LRRC66: variants seen among roughly 807,000 people sequenced by gnomAD.
The protein encoded by LRRC66 is leucine rich repeat containing 66.
A neutral mutation model predicts 24.6 loss-of-function variants in LRRC66; 29 were observed. The observed-to-expected ratio is 1.18, with a 90% CI of 0.88 to 1.61. The LOEUF (loss-of-function observed/expected upper bound fraction) is 1.61, where lower values mean the gene tolerates loss of function less well. Among genes scored for constraint, LRRC66 ranks in the 40% most tolerant of loss-of-function variants. LRRC66 has a pLI of 0.00. For missense variants in LRRC66, 1,124 were observed against 1,058.0 expected (o/e 1.06, Z -0.87); for synonymous variants, 411 against 397.6 (o/e 1.03, Z -0.40).
intron 2 of LRRC66, among the ~76,000 whole-genome samples, chr4:52,016,737 A>T (rs1438346358): frequency 1.3e-5 from 2 of 152,206 alleles, no homozygotes; most frequent in Admixed American, 1.3e-4. Context: ...ATATGGCAAC[A>T]TTTAATTTGA....
chr4:52,017,031 G>T, intron 2 of LRRC66, 87 bp downstream of exon 2: 1 of 1,412,438 alleles, frequency 7.1e-7, no homozygotes. Context: ...GCTGTCCCTT[G>T]AACCTGAAAA....
Position 51,993,674 on chromosome 4 carries a change from T to C in LRRC66, c.*705A>G, listed in dbSNP as rs755187898. The C allele has an allele frequency of 1.3e-5, 2 of 152,214 alleles. No homozygotes were observed. The highest frequency in any genetic ancestry group is 2.9e-5 in the Non-Finnish European group (2 of 68,028). 9.4% of individuals were successfully genotyped at this position (152,214 alleles called of 1,614,324 possible). On this transcript the variant is annotated 3_prime_UTR_variant, in exon 5 of 5. Coordinates refer to ENST00000682860, the MANE Select transcript of LRRC66 (RefSeq NM_001024611.3). ...AAATTGATTTTTAATTTACACTTTA[T>C]TCTAAAAAGTGGCCCCTCTTCTCTT...
intron 1 of LRRC66, chr4:52,018,337 G>A: frequency 1.0e-6 from 1 of 984,718 alleles, no homozygotes; most frequent in Non-Finnish European, 1.2e-6. Context: ...AAAAAGAAGT[G>A]TGTACAAATT....
intron 1 of LRRC66, chr4:52,018,092 T>A: frequency 4.1e-6 from 4 of 985,450 alleles, no homozygotes; most frequent in Non-Finnish European, 3.6e-6. Flanking sequence ...CATAACTCTA[T>A]GAGTAAAAAG....
At chr4:51,997,291 T>A (rs1736342229) in intron 4 of LRRC66, among the ~76,000 whole-genome samples, 1 of 152,170 alleles carries the variant, frequency 6.6e-6, no homozygotes, top group Non-Finnish European at 1.5e-5. Flanking sequence ...ACTTTTAGAG[T>A]GTTAGCAAAC....
rs535782047 is a variant in LRRC66 at position 51,997,921 on chromosome 4, T to C, written c.683A>G (p.Asn228Ser). 32 of 1,614,048 alleles carry C rather than the reference T, an allele frequency of 2.0e-5. No homozygotes were observed. In the South Asian group the frequency reaches 3.4e-4, roughly 17 times the overall value. The change falls in exon 4 of 5, where the codon AAC (asparagine) becomes AGC (serine). Residue 228 changes from asparagine to serine, a missense_variant. By Grantham distance (46) the Asn-to-Ser change is conservative. Transcript: ENST00000682860. The part of the protein sequence containing the change: ...LKKLQVIDLS[N>S]NALITILPMM... ...TGGTAGGATGGTAATCAGAGCATTGTTGCTAAGGTCTATGACCTGTTTGAG... is the reference window on the plus strand; with the variant it reads ...TGGTAGGATGGTAATCAGAGCATTGCTGCTAAGGTCTATGACCTGTTTGAG...
intron 2 of LRRC66, 55 bp downstream of exon 2, chr4:52,017,063 C>T: frequency 6.5e-7 from 1 of 1,527,386 alleles, no homozygotes; most frequent in South Asian, 1.3e-5. Flanking sequence ...TTCTTATGAA[C>T]ATGAAACAAC....
chr4:52,000,344 T>C (rs949944252), intron 3 of LRRC66, among the ~76,000 whole-genome samples: 4 of 152,102 alleles, frequency 2.6e-5, no homozygotes, highest in East Asian at 3.9e-4. Context: ...ACAAGGAGTA[T>C]ACTATATACT....
At chr4:52,002,327 G>A (rs914531551) in intron 3 of LRRC66, among the ~76,000 whole-genome samples, 2 of 152,142 alleles carry the variant, frequency 1.3e-5, no homozygotes, top group Non-Finnish European at 2.9e-5. Flanking sequence ...AATGATGCTG[G>A]CCTATACAAA....
intron 2 of LRRC66, among the ~76,000 whole-genome samples, chr4:52,009,060 A>G (rs1736645559): frequency 1.3e-5 from 2 of 152,154 alleles, no homozygotes; most frequent in African/African-American, 4.8e-5. Context: ...ATAGACTGTG[A>G]TCTTAAGATA....
chr4:52,005,897 T>G (rs995784033), intron 2 of LRRC66, among the ~76,000 whole-genome samples: 4 of 152,214 alleles, frequency 2.6e-5, no homozygotes, highest in African/African-American at 9.6e-5. Context: ...GAATATAACC[T>G]CTGGAGAAAA....
At chr4:52,007,348 T>C (rs1736611928) in intron 2 of LRRC66, among the ~76,000 whole-genome samples, 1 of 152,074 alleles carries the variant, frequency 6.6e-6, no homozygotes, top group South Asian at 2.1e-4. Context: ...CTGGCTATTT[T>C]TTTTTCTTTT....
rs1297773800 is a variant in LRRC66 at position 51,994,689 on chromosome 4, A to G, written c.2333T>C (p.Ile778Thr). 5 of 1,614,224 alleles carry G rather than the reference A, an allele frequency of 3.1e-6. No individual in the cohort carries two copies. In the Admixed American group the frequency reaches 8.3e-5, roughly 27 times the overall value. Residue 778 changes from isoleucine to threonine, a missense_variant, in exon 5 of 5, where the codon ATT (isoleucine) becomes ACT (threonine). By Grantham distance (89) the Ile-to-Thr change is moderately conservative. Transcript: ENST00000682860. ...GTACATGCCAGAGTCTGGAGCAGAA[A>G]TGAGAGGTTTTTCAAAGGGATCTTC... ...NQEDPFEKPL[I>T]SAPDSGMYKT...
At chr4:51,999,169 G>A (rs1578112564) in intron 3 of LRRC66, among the ~76,000 whole-genome samples, 1 of 152,144 alleles carries the variant, frequency 6.6e-6, no homozygotes, top group Non-Finnish European at 1.5e-5. Flanking sequence ...ATTAGGAGAA[G>A]AGAAAATCAT....
chr4:51,997,500 C>A (rs1185704657), intron 4 of LRRC66, among the ~76,000 whole-genome samples: 1 of 152,124 alleles, frequency 6.6e-6, no homozygotes, highest in African/African-American at 2.4e-5. Flanking sequence ...CTCCTTTTCA[C>A]CAAATCCAAT....
rs114559939 is a variant in LRRC66, at chr4:52,008,187, A to G, written c.497-4795T>C. The stretch of plus-strand genomic sequence containing the variant: ...CCCAACTCTGGTCTGCAGAAAATCC[A>G]GGTCATGATACCTAGCTGGCCCTGA... On this transcript the variant is annotated intron_variant, in intron 2 of 4. Transcript: ENST00000682860. Among the ~76,000 whole-genome samples the G allele has an allele frequency of 4.5e-3, 678 of 152,310 alleles. 1 individual carries two copies. Among genetic ancestry groups the G allele is most frequent in the Non-Finnish European group, 7.7e-3 (526 of 68,022 alleles).
At position 51,995,665 on chromosome 4, in the gene LRRC66, C is replaced by T. The variant is rs762926869; in HGVS notation, c.1357G>A (p.Glu453Lys). The T allele has an allele frequency of 2.3e-5, 37 of 1,613,986 alleles. No homozygotes were observed. The highest frequency in any genetic ancestry group is 3.1e-5 in the Non-Finnish European group (36 of 1,180,028). ...GTCACCCAGAAAGGGGTCTGGTTCT[C>T]GTAGAGGCTTAGATGAGGAAATACT... Reference protein sequence around the residue: ...RQVFPHLSLYENQTPFWVTQP... With the variant: ...RQVFPHLSLYKNQTPFWVTQP... The change falls in exon 5 of 5, where the codon GAG becomes AAG. Residue 453 changes from glutamate (E) to lysine (K), a missense_variant. Transcript: ENST00000682860.
Position 51,995,887 on chromosome 4 carries a change from C to A in LRRC66, c.1135G>T (p.Val379Leu), listed in dbSNP as rs1736300272. 2 of 1,614,078 alleles carry A rather than the reference C, an allele frequency of 1.2e-6. No individual in the cohort carries two copies. The highest frequency in any genetic ancestry group is 1.3e-5 in the African/African-American group (1 of 74,926). The change falls in exon 5 of 5, where the codon GTG becomes TTG. Residue 379 changes from valine (V) to leucine (L), a missense_variant. Val to Leu is a conservative substitution (Grantham distance 32). Coordinates refer to ENST00000682860, the MANE Select transcript of LRRC66 (RefSeq NM_001024611.3). ...EDAPQDLALA[V>L]CLSVFITFLV... ...AATGTGATGAACACTGACAGGCACA[C>A]CGCCAGAGCCAGGTCCTGGGGAGCG...
At chr4:52,015,392 G>C (rs1239048963) in intron 2 of LRRC66, among the ~76,000 whole-genome samples, 1 of 152,146 alleles carries the variant, frequency 6.6e-6, no homozygotes, top group Non-Finnish European at 1.5e-5. Flanking sequence ...ATATTATCTG[G>C]GTAGCAGGGG....
Sources: gnomAD v4.1 joint callset for allele counts (sites outside exome capture counted in the v4.1 genomes callset) on GRCh38, gnomAD v4.1.1 for gene constraint, MANE v1.5 for transcripts, NCBI Gene and HGNC (gene_info 2026-07-23, HGNC 2026-07-21) for gene names.